MARCHF1: variants seen among roughly 807,000 people sequenced by gnomAD.
The protein encoded by MARCHF1 is E3 ubiquitin-protein ligase MARCHF1.
A neutral mutation model predicts 54.2 loss-of-function variants in MARCHF1; 40 were observed. The ratio of observed to expected loss-of-function variants is 0.74; its 90% confidence interval spans 0.57 to 0.96. MARCHF1 has a LOEUF of 0.96. MARCHF1 is among the 40% of genes least tolerant of loss of function. The pLI is 0.00. For missense variants in MARCHF1, 586 were observed against 656.5 expected (o/e 0.89, Z 1.17); for synonymous variants, 236 against 236.3 (o/e 1.00, Z 0.01).
intron 1 of MARCHF1, among the ~76,000 whole-genome samples, chr4:164,150,179 G>A (rs1438645122): frequency 6.6e-6 from 1 of 152,072 alleles, no homozygotes; most frequent in Non-Finnish European, 1.5e-5. Flanking sequence ...CTGTCACAGA[G>A]GTCAAATACA....
intron 3 of MARCHF1, among the ~76,000 whole-genome samples, chr4:163,919,816 A>G (rs1471649016): frequency 6.6e-6 from 1 of 152,118 alleles, no homozygotes; most frequent in Non-Finnish European, 1.5e-5. Context: ...TCTTAAGAAC[A>G]CTTTTGTTTT....
chr4:164,359,268 A>C (rs1730655599), intron 1 of MARCHF1, among the ~76,000 whole-genome samples: 1 of 152,188 alleles, frequency 6.6e-6, no homozygotes, highest in South Asian at 2.1e-4. Context: ...TTCATGAAAG[A>C]ATGTTTGGGG....
chr4:163,899,879 TC>T (rs1336375618), intron 3 of MARCHF1, among the ~76,000 whole-genome samples: 11 of 133,912 alleles, frequency 8.2e-5, no homozygotes, highest in African/African-American at 2.9e-4. Context: ...CCTTTCTTTT[TC>T]TTTTTTTCTT....
chr4:164,311,973 C>T (rs1340026564), intron 1 of MARCHF1, among the ~76,000 whole-genome samples: 1 of 152,100 alleles, frequency 6.6e-6, no homozygotes, highest in Non-Finnish European at 1.5e-5. Flanking sequence ...TCCCTTTGAT[C>T]CCCAAGTTTC....
At chr4:163,902,792 GCTT>G (rs1245933495) in intron 3 of MARCHF1, among the ~76,000 whole-genome samples, 1 of 152,072 alleles carries the variant, frequency 6.6e-6, no homozygotes, top group African/African-American at 2.4e-5. Flanking sequence ...GCAAATAAAT[GCTT>G]TTTTTAGCCT....
intron 4 of MARCHF1, among the ~76,000 whole-genome samples, chr4:163,722,686 G>A (rs1223498956): frequency 6.6e-6 from 1 of 152,208 alleles, no homozygotes; most frequent in Admixed American, 6.5e-5. Flanking sequence ...GATCTCTAAG[G>A]ACTTGCTTTA....
At chr4:163,779,879 G>A (rs975627759) in intron 4 of MARCHF1, among the ~76,000 whole-genome samples, 3 of 152,082 alleles carry the variant, frequency 2.0e-5, no homozygotes, top group Non-Finnish European at 4.4e-5. Context: ...ACCTCTGATT[G>A]AGAGGCAATT....
Position 164,176,960 on chromosome 4 carries a change from CTCTCTCTCT to C in MARCHF1, c.-322-65307_-322-65299del, listed in dbSNP as rs1730684392. 6.1e-4 allele frequency among the ~76,000 whole-genome samples: 29 copies of C among 47,842 alleles called. 2 individuals carry two copies. The highest frequency in any genetic ancestry group is 9.5e-4 in the Non-Finnish European group (25 of 26,210). 31.4% of individuals were successfully genotyped at this position (47,842 alleles called of 152,430 possible). A position where few individuals can be genotyped will look rare whatever the true frequency, so the allele number is the denominator to read the frequency against. ...TTGTGCGCTCTCTCTCTCTCTCTCT[CTCTCTCTCT>C]CTCTCTCTCTCTATATATATATATA... On this transcript the variant is annotated intron_variant, in intron 1 of 9. Transcript: ENST00000514618.
chr4:164,068,233 GGCAGCCCTC>G (rs899203021), intron 2 of MARCHF1, among the ~76,000 whole-genome samples: 1 of 152,158 alleles, frequency 6.6e-6, no homozygotes, highest in Non-Finnish European at 1.5e-5. Flanking sequence ...ACAGCGTGCT[GGCAGCCCTC>G]GCAGCCCTCG....
intron 4 of MARCHF1, among the ~76,000 whole-genome samples, chr4:163,714,914 T>C (rs1745213422): frequency 2.0e-5 from 3 of 152,190 alleles, no homozygotes; most frequent in Admixed American, 2.0e-4. Context: ...ACTCCTGGCC[T>C]CAAGTAATTT....
At chr4:164,343,538 T>A (rs1419246950) in intron 1 of MARCHF1, among the ~76,000 whole-genome samples, 1 of 151,972 alleles carries the variant, frequency 6.6e-6, no homozygotes, top group Non-Finnish European at 1.5e-5. Flanking sequence ...AATAACTCCA[T>A]CAAAAAGTGG....
intron 4 of MARCHF1, among the ~76,000 whole-genome samples, chr4:163,826,572 A>T (rs1217010388): frequency 6.6e-6 from 1 of 152,094 alleles, no homozygotes; most frequent in Non-Finnish European, 1.5e-5. Context: ...CATGCGCTGT[A>T]TTAAGCCCTA....
intron 3 of MARCHF1, among the ~76,000 whole-genome samples, chr4:163,904,056 C>G (rs1013303742): frequency 1.3e-5 from 2 of 152,168 alleles, no homozygotes; most frequent in Non-Finnish European, 2.9e-5. Flanking sequence ...ATTAGACACT[C>G]TTATTTTTCA....
chr4:164,113,445 G>A (rs1025102815), intron 1 of MARCHF1, among the ~76,000 whole-genome samples: 1 of 151,700 alleles, frequency 6.6e-6, no homozygotes, highest in South Asian at 2.1e-4. Context: ...ATACAGAAAG[G>A]GAGAAAGAAA....
chr4:164,032,185 T>G (rs999224927), intron 2 of MARCHF1, among the ~76,000 whole-genome samples: 5 of 152,192 alleles, frequency 3.3e-5, no homozygotes, highest in Non-Finnish European at 7.3e-5. Flanking sequence ...GATATCCCCT[T>G]TAGCATTTCT....
chr4:163,848,386 C>CA (rs900485098), intron 4 of MARCHF1, among the ~76,000 whole-genome samples: 7 of 152,042 alleles, frequency 4.6e-5, no homozygotes, highest in African/African-American at 1.4e-4. Flanking sequence ...TTTGGAGCCT[C>CA]AAAAAATCAT....
At chr4:164,147,800 T>C (rs1385952493) in intron 1 of MARCHF1, among the ~76,000 whole-genome samples, 1 of 148,454 alleles carries the variant, frequency 6.7e-6, no homozygotes, top group Non-Finnish European at 1.5e-5. Flanking sequence ...TGTGCACATG[T>C]ACCCTAAAAC....
chr4:164,336,753 A>G (rs867212215), intron 1 of MARCHF1, among the ~76,000 whole-genome samples: 2 of 152,204 alleles, frequency 1.3e-5, no homozygotes, highest in South Asian at 2.1e-4. Context: ...AGTTCTTGTT[A>G]GTATTAACTG....
chr4:163,607,173 C>A (rs1741172170), intron 7 of MARCHF1, among the ~76,000 whole-genome samples: 1 of 152,028 alleles, frequency 6.6e-6, no homozygotes, highest in Non-Finnish European at 1.5e-5. Context: ...GGTTAACATA[C>A]CCCTTTCTTG....
Sources: allele counts gnomAD v4.1 joint callset (sites outside exome capture counted in the v4.1 genomes callset), GRCh38; gene constraint gnomAD v4.1.1; transcripts MANE v1.5; gene names NCBI Gene and HGNC (gene_info 2026-07-23, HGNC 2026-07-21).